The following EPB41L4B variants were observed in gnomAD, a reference collection of about 807,000 sequenced individuals.
EPB41L4B encodes band 4.1-like protein 4B.
EPB41L4B carries 30 observed loss-of-function variants against 112.5 expected under a neutral mutation model. The observed-to-expected ratio is 0.27, with a 90% CI of 0.20 to 0.36. The LOEUF (loss-of-function observed/expected upper bound fraction) is 0.36, where lower values mean the gene tolerates loss of function less well. Among genes scored for constraint, EPB41L4B ranks in the 10% least tolerant of loss-of-function variants. The probability of loss-of-function intolerance (pLI) is 1.00; values close to 1 mark genes in which losing one functional copy is unlikely to be tolerated. For missense variants in EPB41L4B, 1,024 were observed against 1,133.3 expected (o/e 0.90, Z 1.38); for synonymous variants, 408 against 439.7 (o/e 0.93, Z 0.90).
At chr9:109,257,888 G>A (rs1221970785) in intron 7 of EPB41L4B, among the ~76,000 whole-genome samples, 4 of 152,126 alleles carry the variant, frequency 2.6e-5, no homozygotes, top group African/African-American at 4.8e-5. Flanking sequence ...CCAGCTGCTC[G>A]GGAGGCTGAG....
In EPB41L4B at chr9:109,268,436, G is replaced by A. The variant is rs1393548266; in HGVS notation, c.412-3C>T. The A allele has an allele frequency of 6.2e-7, 1 of 1,604,654 alleles. No homozygotes were observed. On this transcript the variant is annotated splice_region_variant and splice_polypyrimidine_tract_variant and intron_variant, in intron 2 of 25. Transcript: ENST00000374566. Reference sequence around the variant, plus strand: ...GGTTTGGCATGATCCAGCCAGTGCTGAAAGAAAGAAAAAAAGTTTCTTTAG... The same window carrying A: ...GGTTTGGCATGATCCAGCCAGTGCTAAAAGAAAGAAAAAAAGTTTCTTTAG...
At chr9:109,176,040 T>TCACACA (rs762279356) in intron 25 of EPB41L4B, among the ~76,000 whole-genome samples, 21 of 43,484 alleles carry the variant, frequency 4.8e-4, no homozygotes, top group East Asian at 1.3e-3. Flanking sequence ...CTTGTCAATA[T>TCACACA]CACACACACG....
chr9:109,249,958 G>T (rs1243442387), intron 13 of EPB41L4B, among the ~76,000 whole-genome samples: 2 of 152,154 alleles, frequency 1.3e-5, no homozygotes, highest in Non-Finnish European at 2.9e-5. Flanking sequence ...TGTGTAATAT[G>T]AGGGACCAGC....
intron 2 of EPB41L4B, among the ~76,000 whole-genome samples, chr9:109,278,336 G>A (rs186843356): frequency 3.9e-5 from 6 of 152,222 alleles, no homozygotes; most frequent in African/African-American, 1.4e-4. Context: ...CTGAGGTTGA[G>A]GGACACATCT....
At chr9:109,226,634 A>ATAT (rs1231256599) in intron 15 of EPB41L4B, among the ~76,000 whole-genome samples, 15 of 117,004 alleles carry the variant, frequency 1.3e-4, no homozygotes, top group African/African-American at 5.1e-4. Context: ...ATATATGAAG[A>ATAT]ATATATATAT....
intron 6 of EPB41L4B, among the ~76,000 whole-genome samples, chr9:109,259,047 A>G (rs1835096719): frequency 6.6e-6 from 1 of 152,044 alleles, no homozygotes; most frequent in African/African-American, 2.4e-5. Flanking sequence ...CCTGCAGCTC[A>G]GGAAGCAGAC....
In EPB41L4B at chr9:109,237,342, A is replaced by G. The variant is rs143124578; in HGVS notation, c.1409+6276T>C. Reference sequence around the variant, plus strand: ...CATGAATTACATCAATCAAATGACAACTGTCAATACACTGTTGGATGTTCT... The same window carrying G: ...CATGAATTACATCAATCAAATGACAGCTGTCAATACACTGTTGGATGTTCT... On this transcript the variant is annotated intron_variant, in intron 15 of 25. Transcript: ENST00000374566. 7.9e-5 allele frequency among the ~76,000 whole-genome samples: 12 copies of G among 152,364 alleles called. No individual in the cohort carries two copies. In the East Asian group the frequency reaches 2.1e-3, roughly 27 times the overall value.
At chr9:109,281,608 C>T (rs151337593) in intron 1 of EPB41L4B, among the ~76,000 whole-genome samples, 2 of 151,990 alleles carry the variant, frequency 1.3e-5, no homozygotes, top group African/African-American at 2.4e-5. Context: ...AGGCTGAGGT[C>T]GGGGAGGTGG....
At chr9:109,247,544 A>C (rs931745592) in intron 14 of EPB41L4B, among the ~76,000 whole-genome samples, 7 of 152,198 alleles carry the variant, frequency 4.6e-5, no homozygotes, top group Non-Finnish European at 1.0e-4. Flanking sequence ...GGCAGTTCAG[A>C]TGGCCAAGAA....
intron 1 of EPB41L4B, among the ~76,000 whole-genome samples, chr9:109,289,006 C>T (rs187847395): frequency 4.5e-4 from 68 of 152,218 alleles, no homozygotes; most frequent in African/African-American, 1.6e-3. Flanking sequence ...GACTAAGACA[C>T]CCACCCCCTA....
chr9:109,298,993 G>A (rs1372873020), intron 1 of EPB41L4B, among the ~76,000 whole-genome samples: 1 of 152,254 alleles, frequency 6.6e-6, no homozygotes, highest in South Asian at 2.1e-4. Flanking sequence ...AAATAGGAGG[G>A]AATTCTGCAA....
At chr9:109,221,855 T>G (rs1020078330) in intron 15 of EPB41L4B, among the ~76,000 whole-genome samples, 2 of 152,198 alleles carry the variant, frequency 1.3e-5, no homozygotes, top group East Asian at 3.9e-4. Context: ...TAAGAGTTCC[T>G]GAGGGATGGC....
At chr9:109,273,447 A>G (rs962990092) in intron 2 of EPB41L4B, among the ~76,000 whole-genome samples, 3 of 152,126 alleles carry the variant, frequency 2.0e-5, no homozygotes, top group African/African-American at 7.2e-5. Flanking sequence ...GGGTTTTGCC[A>G]TGTTGGCTAG....
intron 1 of EPB41L4B, among the ~76,000 whole-genome samples, chr9:109,310,343 G>A (rs1313716190): frequency 6.6e-6 from 1 of 151,640 alleles, no homozygotes; most frequent in Non-Finnish European, 1.5e-5. Flanking sequence ...CAAACTTCAG[G>A]AGGGAGGGAG....
rs553101572 is a variant in EPB41L4B at position 109,216,589 on chromosome 9, C to T, written c.1633+333G>A. ...CTGGGAGGGGGAGGGTGCAATGAGC[C>T]GAGATCATGCCACTGCACTCCAGCC... On this transcript the variant is annotated intron_variant, in intron 16 of 25. Transcript: ENST00000374566. Among the ~76,000 whole-genome samples, 9 of 148,910 alleles carry T rather than the reference C, an allele frequency of 6.0e-5. No homozygotes were observed. The South Asian group carries it at 1.1e-3, about 18-fold the overall frequency.
At chr9:109,200,610 C>T (rs1213875601) in intron 19 of EPB41L4B, among the ~76,000 whole-genome samples, 7 of 152,170 alleles carry the variant, frequency 4.6e-5, no homozygotes, top group South Asian at 4.2e-4. Flanking sequence ...TTCTCTGCTC[C>T]GTAACAGCCA....
At chr9:109,177,363 T>C (rs916213568) in intron 24 of EPB41L4B, among the ~76,000 whole-genome samples, 1 of 152,176 alleles carries the variant, frequency 6.6e-6, no homozygotes, top group Admixed American at 6.6e-5. Context: ...AATACGTGTT[T>C]CAACAAGACC....
intron 12 of EPB41L4B, among the ~76,000 whole-genome samples, chr9:109,252,469 G>A (rs1312434866): frequency 6.6e-6 from 1 of 152,092 alleles, no homozygotes; most frequent in Non-Finnish European, 1.5e-5. Flanking sequence ...CTGTGCTGTG[G>A]GCATTTTCCC....
intron 1 of EPB41L4B, among the ~76,000 whole-genome samples, chr9:109,284,709 C>T (rs1469508499): frequency 6.6e-6 from 1 of 152,204 alleles, no homozygotes; most frequent in Non-Finnish European, 1.5e-5. Context: ...CGCCTGGCTT[C>T]TCCCCAAGTT....
Sources: gnomAD v4.1 joint callset for allele counts (sites outside exome capture counted in the v4.1 genomes callset) on GRCh38, gnomAD v4.1.1 for gene constraint, MANE v1.5 for transcripts, NCBI Gene and HGNC (gene_info 2026-07-23, HGNC 2026-07-21) for gene names.